VAV3: variants seen among roughly 807,000 people sequenced by gnomAD.
VAV3 encodes guanine nucleotide exchange factor VAV3.
A neutral mutation model predicts 131.2 loss-of-function variants in VAV3; 94 were observed. The observed-to-expected ratio is 0.72, with a 90% CI of 0.61 to 0.85. VAV3 has a LOEUF of 0.85. Among genes scored for constraint, VAV3 ranks in the 40% least tolerant of loss-of-function variants. VAV3 has a pLI of 0.00. For synonymous variants in VAV3, 349 were observed against 342.0 expected (o/e 1.02, Z -0.22); for missense variants, 939 against 1,002.7 (o/e 0.94, Z 0.86).
intron 9 of VAV3, 53 bp from the exon 10 acceptor site, chr1:107,760,932 T>G: frequency 7.7e-7 from 1 of 1,297,400 alleles, no homozygotes; most frequent in Admixed American, 1.8e-5. Flanking sequence ...CATTAAAAGA[T>G]GCAAAGGCCC....
chr1:107,596,145 T>A, intron 25 of VAV3, 67 bp downstream of exon 25: 1 of 1,567,360 alleles, frequency 6.4e-7, no homozygotes, highest in Admixed American at 1.9e-5. Flanking sequence ...GGAAGGAAGA[T>A]GTTTAATGTT....
chr1:107,750,895 A>G (rs1398456312), intron 13 of VAV3, among the ~76,000 whole-genome samples: 2 of 152,084 alleles, frequency 1.3e-5, no homozygotes, highest in East Asian at 3.8e-4. Context: ...TATACTTGTT[A>G]CTTCCTTCTT....
At chr1:107,769,282 A>T (rs1376305983) in intron 6 of VAV3, among the ~76,000 whole-genome samples, 1 of 151,796 alleles carries the variant, frequency 6.6e-6, no homozygotes, top group Non-Finnish European at 1.5e-5. Flanking sequence ...AAACACCCTG[A>T]TCAAGTCTAA....
chr1:107,932,130 T>A (rs1399667829), intron 1 of VAV3, among the ~76,000 whole-genome samples: 2 of 152,218 alleles, frequency 1.3e-5, no homozygotes, highest in African/African-American at 4.8e-5. Context: ...GTCAATTGGT[T>A]CATTTACTTT....
intron 15 of VAV3, among the ~76,000 whole-genome samples, chr1:107,706,010 C>T (rs1207093849): frequency 1.3e-5 from 2 of 152,056 alleles, no homozygotes; most frequent in Non-Finnish European, 2.9e-5. Context: ...TTATTCTTGG[C>T]TTAGCTATTT....
At chr1:107,786,330 C>T (rs1024662517) in intron 2 of VAV3, among the ~76,000 whole-genome samples, 3 of 151,832 alleles carry the variant, frequency 2.0e-5, no homozygotes, top group African/African-American at 7.3e-5. Context: ...AAAAAAAAAG[C>T]CATATACTGG....
chr1:107,766,698 G>C (rs368950602), intron 7 of VAV3, 148 bp from the exon 8 acceptor site: 4 of 645,390 alleles, frequency 6.2e-6, no homozygotes, highest in East Asian at 5.6e-5. Context: ...AATAAAGAGA[G>C]AGGGAAAAGG....
chr1:107,964,874 G>T lies in VAV3; in HGVS notation c.-5C>A, dbSNP rs573555875. 1.9e-6 allele frequency: 3 copies of T among 1,552,292 alleles called. No individual in the cohort carries two copies. The highest frequency in any genetic ancestry group is 2.5e-5 in the East Asian group (1 of 40,378). ...GCACTGCTTCCACGGCTCCATGCCCGACGGCTCCGGGACGCGGCTGGGCCG... is the reference window on the plus strand; with the variant it reads ...GCACTGCTTCCACGGCTCCATGCCCTACGGCTCCGGGACGCGGCTGGGCCG... On this transcript the variant is annotated 5_prime_UTR_variant, in exon 1 of 27. Transcript: ENST00000370056.
At chr1:107,748,895 T>A (rs1663522438) in intron 15 of VAV3, 73 bp downstream of exon 15, 2 of 1,125,830 alleles carry the variant, frequency 1.8e-6, no homozygotes, top group Non-Finnish European at 2.5e-6. Flanking sequence ...AGAGTACACT[T>A]ATTGGTTGTT....
At chr1:107,941,006 AC>A (rs1284405090) in intron 1 of VAV3, among the ~76,000 whole-genome samples, 3 of 139,284 alleles carry the variant, frequency 2.2e-5, no homozygotes, top group Admixed American at 7.2e-5. Flanking sequence ...AAAAAAAAAA[AC>A]CCTCAACTAG....
chr1:107,896,598 C>T (rs1003057845), intron 1 of VAV3, among the ~76,000 whole-genome samples: 5 of 152,174 alleles, frequency 3.3e-5, no homozygotes, highest in African/African-American at 9.7e-5. Context: ...CCTCCTGCCA[C>T]AATAAATCTA....
chr1:107,595,029 T>G (rs530020783), intron 25 of VAV3, among the ~76,000 whole-genome samples: 3 of 152,274 alleles, frequency 2.0e-5, no homozygotes, highest in Admixed American at 6.5e-5. Context: ...GGAAAATTGT[T>G]TTTTTGGAGA....
intron 19 of VAV3, among the ~76,000 whole-genome samples, chr1:107,649,587 T>C (rs1192637108): frequency 6.6e-6 from 1 of 151,996 alleles, no homozygotes; most frequent in African/African-American, 2.4e-5. Context: ...GTTAACCTCC[T>C]ACCATAAACA....
At chr1:107,830,255 G>A (rs1188007088) in intron 2 of VAV3, among the ~76,000 whole-genome samples, 2 of 151,272 alleles carry the variant, frequency 1.3e-5, no homozygotes, top group Non-Finnish European at 3.0e-5. Flanking sequence ...CAGGGTGGAG[G>A]GCAGTGATGC....
intron 15 of VAV3, among the ~76,000 whole-genome samples, chr1:107,716,435 T>C (rs1340861709): frequency 1.3e-5 from 2 of 152,126 alleles, no homozygotes; most frequent in Admixed American, 6.5e-5. Flanking sequence ...TGAGAGTTTT[T>C]AGCATGAAGC....
At chr1:107,928,168 G>A (rs1673252246) in intron 1 of VAV3, among the ~76,000 whole-genome samples, 2 of 152,160 alleles carry the variant, frequency 1.3e-5, no homozygotes, top group South Asian at 2.1e-4. Flanking sequence ...CCATCAAGGC[G>A]GTGCCTCTAC....
chr1:107,905,916 A>T (rs1306423458), intron 1 of VAV3, among the ~76,000 whole-genome samples: 1 of 152,160 alleles, frequency 6.6e-6, no homozygotes, highest in Admixed American at 6.5e-5. Context: ...CCATGTAAAC[A>T]CTAGATAAAA....
intron 2 of VAV3, among the ~76,000 whole-genome samples, chr1:107,867,082 T>G (rs1008051840): frequency 2.6e-5 from 4 of 152,158 alleles, no homozygotes; most frequent in African/African-American, 9.7e-5. Context: ...ACTTTTCAGT[T>G]CCTTTACTAT....
rs1402045254 is a variant in VAV3 at position 107,702,241 on chromosome 1, C to T, written c.1705+2309G>A. On this transcript the variant is annotated intron_variant, in intron 17 of 26. Coordinates refer to ENST00000370056, the MANE Select transcript of VAV3 (RefSeq NM_006113.5). ...AGACAGAGAGCAAGAGCAAGAAATA[C>T]TGCCTTATGAAACCATCAGTTCTCA... is the stretch of plus-strand genomic sequence containing the variant. 4.6e-5 allele frequency among the ~76,000 whole-genome samples: 7 copies of T among 152,248 alleles called. No homozygotes were observed. The East Asian group carries it at 1.4e-3, about 29-fold the overall frequency.
Sources: gnomAD v4.1 joint callset for allele counts (sites outside exome capture counted in the v4.1 genomes callset) on GRCh38, gnomAD v4.1.1 for gene constraint, MANE v1.5 for transcripts, NCBI Gene and HGNC (gene_info 2026-07-23, HGNC 2026-07-21) for gene names.